The following GAD2 variants were observed in gnomAD, a reference collection of about 807,000 sequenced individuals.
GAD2 encodes glutamate decarboxylase 2, also known as 65 kDa glutamic acid decarboxylase.
GAD2 carries 22 observed loss-of-function variants against 80.1 expected under a neutral mutation model. That is an observed-to-expected ratio of 0.27 (90% CI 0.20 to 0.39). The LOEUF is 0.39. Ranked by LOEUF, GAD2 falls within the 10% of genes least tolerant of loss-of-function variation. The pLI, the probability that GAD2 is intolerant of heterozygous loss-of-function variation, is 1.00. For synonymous variants in GAD2, 274 were observed against 256.9 expected (o/e 1.07, Z -0.64); for missense variants, 624 against 738.4 (o/e 0.85, Z 1.80).
intron 3 of GAD2, 73 bp downstream of exon 3, chr10:26,218,064 T>C: frequency 1.4e-6 from 2 of 1,475,124 alleles, no homozygotes; most frequent in Non-Finnish European, 1.8e-6. Context: ...CCGGTGCGGG[T>C]CCGGCGCTGA....
chr10:26,223,977 T>A lies in GAD2; in HGVS notation c.611T>A (p.Met204Lys). ...CTGACATCAACAGCAAATACTAACA[T>A]GTAAGTAGCCAAATGTGTTTTTATG... Reference protein sequence around the residue: ...DWLTSTANTNMFTYEIAPVFV... With the variant: ...DWLTSTANTNKFTYEIAPVFV... The change falls in exon 5 of 16, where the codon ATG (methionine) becomes AAG (lysine). Residue 204 changes from methionine to lysine, a missense_variant and splice_region_variant. By Grantham distance (95) the Met-to-Lys change is moderately conservative. Coordinates refer to ENST00000376261, the MANE Select transcript of GAD2 (RefSeq NM_001134366.2). 2 of 1,596,992 alleles carry A rather than the reference T, an allele frequency of 1.3e-6. No individual in the cohort carries two copies. The highest frequency in any genetic ancestry group is 8.6e-7 in the Non-Finnish European group (1 of 1,165,470).
rs1184855545 is a variant in GAD2 at position 26,302,496 on chromosome 10, T to A, written c.*1535T>A. ...TTTATGGGGTCACACATCGTCAGAT[T>A]CCAAGTGCTGATTGGAGAACAATAG... On this transcript the variant is annotated 3_prime_UTR_variant, in exon 16 of 16. Coordinates refer to ENST00000376261, the MANE Select transcript of GAD2 (RefSeq NM_001134366.2). 6.6e-6 allele frequency: 1 copy of A among 152,210 alleles called. No homozygotes were observed. Among genetic ancestry groups the A allele is most frequent in the African/African-American group, 2.4e-5 (1 of 41,458 alleles). 9.4% of individuals were successfully genotyped at this position (152,210 alleles called of 1,614,324 possible).
chr10:26,282,134 G>C (rs1477026543), intron 12 of GAD2, among the ~76,000 whole-genome samples: 1 of 121,938 alleles, frequency 8.2e-6, no homozygotes, highest in Admixed American at 7.5e-5. Context: ...GTAGAGACAG[G>C]GTTTTCACAT....
chr10:26,241,616 C>A (rs962452141), intron 7 of GAD2, among the ~76,000 whole-genome samples: 8 of 151,528 alleles, frequency 5.3e-5, no homozygotes, highest in African/African-American at 1.7e-4. Flanking sequence ...CCTAACAAAA[C>A]TTTCCCCAAC....
At chr10:26,277,366 C>G (rs775358466) in intron 11 of GAD2, among the ~76,000 whole-genome samples, 1 of 152,178 alleles carries the variant, frequency 6.6e-6, no homozygotes, top group African/African-American at 2.4e-5. Context: ...GTTCTTTCCA[C>G]GAAACATAGA....
intron 11 of GAD2, among the ~76,000 whole-genome samples, chr10:26,277,532 ACT>A: frequency 6.6e-6 from 1 of 152,218 alleles, no homozygotes; most frequent in Non-Finnish European, 1.5e-5. Context: ...TCTGGCATTA[ACT>A]CTGCATTAGA....
Position 26,229,727 on chromosome 10 carries a change from G to A in GAD2, c.790G>A (p.Glu264Lys), listed in dbSNP as rs1414985700. The A allele has an allele frequency of 6.2e-7, 1 of 1,614,184 alleles. No homozygotes were observed. Among genetic ancestry groups the A allele is most frequent in the Non-Finnish European group, 8.5e-7 (1 of 1,180,036 alleles). Residue 264 changes from glutamate to lysine, a missense_variant, in exon 7 of 16, where the codon GAG becomes AAG. By Grantham distance (56) the Glu-to-Lys change is moderately conservative (BLOSUM62 1). Transcript: ENST00000376261. ...ARFKMFPEVKEKGMAALPRLI... is the reference protein window; with the variant it reads ...ARFKMFPEVKKKGMAALPRLI... ...CTTTAAGATGTTCCCAGAAGTCAAG[G>A]AGAAAGGAATGGCTGCTCTTCCCAG...
At chr10:26,267,829 AT>A (rs887946618) in intron 8 of GAD2, among the ~76,000 whole-genome samples, 3 of 152,190 alleles carry the variant, frequency 2.0e-5, no homozygotes, top group Non-Finnish European at 2.9e-5. Context: ...TGCCCAAATT[AT>A]TTTTTTAAAT....
At chr10:26,230,267 G>C (rs1844584154) in intron 7 of GAD2, among the ~76,000 whole-genome samples, 1 of 152,186 alleles carries the variant, frequency 6.6e-6, no homozygotes. Flanking sequence ...GAGGGAAGGG[G>C]AAGAGGAGGG....
At chr10:26,224,227 A>G (rs150195465) in intron 5 of GAD2, among the ~76,000 whole-genome samples, 52 of 152,300 alleles carry the variant, frequency 3.4e-4, no homozygotes, top group East Asian at 3.1e-3. Flanking sequence ...ATTATTGTGC[A>G]TAATGTCAAA....
Position 26,292,472 on chromosome 10 carries a change from C to T in GAD2, c.1394C>T (p.Thr465Ile). 2 of 1,613,496 alleles carry T rather than the reference C, an allele frequency of 1.2e-6. No individual in the cohort carries two copies. The highest frequency in any genetic ancestry group is 3.3e-5 in the Admixed American group (2 of 60,002). Residue 465 changes from threonine (T) to isoleucine (I), a missense_variant, in exon 14 of 16, where the codon ACC becomes ATC. Coordinates refer to ENST00000376261, the MANE Select transcript of GAD2 (RefSeq NM_001134366.2). The part of the protein sequence containing the change: ...LWLMWRAKGT[T>I]GFEAHVDKCL... Reference sequence around the variant, plus strand: ...TGTCCTTCTCTTACCTAGGGGACTACCGGGTTTGAAGCGCATGTTGATAAA... The same window carrying T: ...TGTCCTTCTCTTACCTAGGGGACTATCGGGTTTGAAGCGCATGTTGATAAA...
In GAD2 at chr10:26,217,559, T is replaced by C; in HGVS notation, c.77-51T>C. ...CATAGAACGAAATTTCACACGTCCG[T>C]CTGTTGTTCTCTTTCTGCCTCGCTG... On this transcript the variant is annotated intron_variant, in intron 1 of 15. Coordinates refer to ENST00000376261, the MANE Select transcript of GAD2 (RefSeq NM_001134366.2). This position sits in a 1 kb window ranked among gnomAD's most constrained non-coding sequence, Gnocchi z 4.9. The C allele has an allele frequency of 6.4e-7, 1 of 1,553,430 alleles. No individual in the cohort carries two copies. Among genetic ancestry groups the C allele is most frequent in the Non-Finnish European group, 8.8e-7 (1 of 1,137,738 alleles).
intron 13 of GAD2, 39 bp from the exon 14 acceptor site, chr10:26,292,426 C>A: frequency 6.6e-7 from 1 of 1,509,204 alleles, no homozygotes. Context: ...CCTCCGCACT[C>A]TTAGCCTGCT....
chr10:26,299,466 T>A (rs1834307212), intron 15 of GAD2, among the ~76,000 whole-genome samples: 1 of 152,186 alleles, frequency 6.6e-6, no homozygotes, highest in Non-Finnish European at 1.5e-5. Context: ...ATTTACAAAC[T>A]CCAGTGGTAA....
intron 15 of GAD2, among the ~76,000 whole-genome samples, chr10:26,294,183 G>A (rs1834249106): frequency 6.6e-6 from 1 of 152,198 alleles, no homozygotes; most frequent in Non-Finnish European, 1.5e-5. Context: ...TCATAAAAGA[G>A]GGAACCTCCT....
chr10:26,288,429 T>C (rs1379486058), intron 13 of GAD2, among the ~76,000 whole-genome samples: 1 of 152,154 alleles, frequency 6.6e-6, no homozygotes, highest in African/African-American at 2.4e-5. Context: ...CTTCCTCTTT[T>C]GAAAATTGAC....
chr10:26,222,525 A>G (rs1372475083), intron 4 of GAD2, among the ~76,000 whole-genome samples: 1 of 152,126 alleles, frequency 6.6e-6, no homozygotes, highest in Non-Finnish European at 1.5e-5. Flanking sequence ...GTTGCTCCAG[A>G]CCTCAGTGGC....
chr10:26,231,197 C>T (rs935039759), intron 7 of GAD2, among the ~76,000 whole-genome samples: 5 of 152,164 alleles, frequency 3.3e-5, no homozygotes, highest in African/African-American at 1.2e-4. Flanking sequence ...CTCTGATAGC[C>T]AGGGAACTAG....
chr10:26,249,988 G>A (rs973017512), intron 8 of GAD2, among the ~76,000 whole-genome samples: 2 of 152,140 alleles, frequency 1.3e-5, no homozygotes, highest in Non-Finnish European at 2.9e-5. Flanking sequence ...GACTGGCCAG[G>A]GGGCCTCAAA....
Sources: allele counts gnomAD v4.1 joint callset (sites outside exome capture counted in the v4.1 genomes callset), GRCh38; gene constraint gnomAD v4.1.1; non-coding constraint Gnocchi (gnomAD v3.1); transcripts MANE v1.5; gene names NCBI Gene and HGNC (gene_info 2026-07-23, HGNC 2026-07-21).